PCDHA2: variants seen among roughly 807,000 people sequenced by gnomAD.
PCDHA2 encodes protocadherin alpha-2.
A neutral mutation model predicts 66.0 loss-of-function variants in PCDHA2; 58 were observed. The observed-to-expected ratio is 0.88, with a 90% CI of 0.71 to 1.09. PCDHA2 has a LOEUF of 1.09. Among genes scored for constraint, PCDHA2 ranks in the 50% least tolerant of loss-of-function variants. PCDHA2 has a pLI of 0.00. For missense variants in PCDHA2, 1,267 were observed against 1,242.3 expected, an observed-to-expected ratio of 1.02 and a Z score of -0.30; for synonymous variants, 634 against 554.0, an observed-to-expected ratio of 1.14 and a Z score of -2.03.
rs782616860 is a variant in PCDHA2 at position 140,807,923 on chromosome 5, A to G, written c.2388+10571A>G. On this transcript the variant is annotated intron_variant, in intron 1 of 3. Transcript: ENST00000526136. ...CAATGCCCCAGCTTTTGACAGAACC[A>G]TTTATAAGGTGAGATTACTAGAAAA... is the stretch of plus-strand genomic sequence containing the variant. The G allele has an allele frequency of 5.6e-6, 9 of 1,614,144 alleles. No individual in the cohort carries two copies. Among genetic ancestry groups the G allele is most frequent in the African/African-American group, 1.3e-5 (1 of 75,050 alleles).
intron 1 of PCDHA2, among the ~76,000 whole-genome samples, chr5:140,892,451 C>A (rs782296222): frequency 1.2e-4 from 19 of 152,128 alleles, no homozygotes; most frequent in Non-Finnish European, 2.5e-4. Flanking sequence ...TACATGTATT[C>A]TTTAAGTACG....
intron 1 of PCDHA2, chr5:140,816,468 A>G (rs1321714228): frequency 6.6e-6 from 1 of 151,952 alleles, no homozygotes; most frequent in African/African-American, 2.4e-5. Context: ...AGTAATTCAC[A>G]TAGCTCTATT....
chr5:140,921,051 C>T (rs2079992855), intron 1 of PCDHA2, among the ~76,000 whole-genome samples: 1 of 151,910 alleles, frequency 6.6e-6, no homozygotes, highest in Non-Finnish European at 1.5e-5. Context: ...GCAATCATAG[C>T]TCACTCTAAC....
chr5:140,881,232 C>A, intron 1 of PCDHA2: 2 of 318,074 alleles, frequency 6.3e-6, no homozygotes, highest in Non-Finnish European at 9.1e-6. Context: ...AAATTAAAGT[C>A]AATTTAAATG....
intron 1 of PCDHA2, chr5:140,821,648 A>G (rs1581773155): frequency 9.2e-7 from 1 of 1,086,806 alleles, no homozygotes; most frequent in Non-Finnish European, 1.3e-6. Context: ...AGAACCTTCC[A>G]TTTTTGGCTG....
chr5:140,796,867 C>T lies in PCDHA2; in HGVS notation c.1903C>T (p.Arg635Cys), dbSNP rs367904525. 1.9e-6 allele frequency: 3 copies of T among 1,614,094 alleles called. No individual in the cohort carries two copies. The highest frequency in any genetic ancestry group is 2.5e-6 in the Non-Finnish European group (3 of 1,180,004). Residue 635 changes from arginine (R) to cysteine (C), a missense_variant, in exon 1 of 4, where the codon CGT becomes TGT. Arg to Cys is a radical substitution (Grantham distance 180). Coordinates refer to ENST00000526136, the MANE Select transcript of PCDHA2 (RefSeq NM_018905.3). ...GLYTGEISTT[R>C]ALDEADSPRH... is the part of the protein sequence containing the mutation. ...ATACACGGGTGAGATCAGCACGACA[C>T]GTGCCCTAGACGAGGCTGACTCCCC...
Position 140,858,435 on chromosome 5 carries a change from A to T in PCDHA2, c.2388+61083A>T, listed in dbSNP as rs2045411060. The T allele has an allele frequency of 2.5e-5, 38 of 1,543,330 alleles. 4 individuals are homozygous for T. Among genetic ancestry groups the T allele is most frequent in the Non-Finnish European group, 3.1e-5 (35 of 1,135,660 alleles). ...TCTATTGGAGGGGACCACTCTAGGA[A>T]GGTGGGTTATTACGTTTTCATTTTC... On this transcript the variant is annotated intron_variant, in intron 1 of 3. Transcript: ENST00000526136.
intron 1 of PCDHA2, chr5:140,822,563 T>A: frequency 1.9e-6 from 3 of 1,613,440 alleles, no homozygotes; most frequent in Non-Finnish European, 2.5e-6. Context: ...GTTATTAAAC[T>A]GAACGCCTCA....
chr5:140,897,722 T>A (rs1236534951), intron 1 of PCDHA2, among the ~76,000 whole-genome samples: 1 of 152,162 alleles, frequency 6.6e-6, no homozygotes, highest in African/African-American at 2.4e-5. Flanking sequence ...GATGGCTGGG[T>A]CAAATAGTAT....
chr5:140,982,963 A>G (rs2097017646), intron 3 of PCDHA2, among the ~76,000 whole-genome samples: 1 of 151,972 alleles, frequency 6.6e-6, no homozygotes, highest in South Asian at 2.1e-4. Context: ...AAACCCACCC[A>G]AAGTAGTAAG....
chr5:140,869,504 C>G (rs959374162), intron 1 of PCDHA2: 1 of 1,614,200 alleles, frequency 6.2e-7, no homozygotes, highest in Admixed American at 1.7e-5. Context: ...CCGGTGTTCT[C>G]GCTCAGAGAA....
At chr5:140,943,267 AAAAAAAAAAAG>A in intron 1 of PCDHA2, among the ~76,000 whole-genome samples, 2 of 150,426 alleles carry the variant, frequency 1.3e-5, no homozygotes, top group South Asian at 2.1e-4. Context: ...CAAAAAAAAA[AAAAAAAAAAAG>A]AAAGAAAGAA....
In PCDHA2 at chr5:141,011,088, T is replaced by TTCTC. The variant is rs375099849; in HGVS notation, c.*1165_*1168dup. 6.6e-6 allele frequency: 1 copy of TTCTC among 152,032 alleles called. No homozygotes were observed. Among genetic ancestry groups the TTCTC allele is most frequent in the Non-Finnish European group, 1.5e-5 (1 of 67,462 alleles). 9.4% of individuals were successfully genotyped at this position (152,032 alleles called of 1,614,324 possible). A position where few individuals can be genotyped will look rare whatever the true frequency, so the allele number is the denominator to read the frequency against. On this transcript the variant is annotated 3_prime_UTR_variant, in exon 4 of 4. Transcript: ENST00000526136. The stretch of plus-strand genomic sequence containing the variant: ...TATTACTAAATAAAATGATCTCTCT[T>TTCTC]TCTCTCTCTCTCTCTCTTTTCTAAG...
chr5:140,808,023 A>G (rs1034066064), intron 1 of PCDHA2: 18 of 1,613,826 alleles, frequency 1.1e-5, no homozygotes, highest in Non-Finnish European at 1.4e-5. Flanking sequence ...GACATTGTTT[A>G]TTCATTCTCA....
chr5:140,951,144 T>C (rs1052192456), intron 1 of PCDHA2, among the ~76,000 whole-genome samples: 3 of 100,560 alleles, frequency 3.0e-5, no homozygotes, highest in Non-Finnish European at 6.0e-5. Context: ...CTTTATCTTA[T>C]TGAATATAGT....
In PCDHA2 at chr5:140,802,408, A is replaced by G. The variant is rs782292816; in HGVS notation, c.2388+5056A>G. The G allele has an allele frequency of 3.7e-6, 6 of 1,614,092 alleles. No individual in the cohort carries two copies. In the African/African-American group the frequency reaches 6.7e-5, roughly 18 times the overall value. ...AAGCTGGTGTCCACCTTCAAGAATT[A>G]CTACTCATTGGTGCTGGACAGCCCT... On this transcript the variant is annotated intron_variant, in intron 1 of 3. Transcript: ENST00000526136.
Position 140,857,453 on chromosome 5 carries a change from C to A in PCDHA2, c.2388+60101C>A, listed in dbSNP as rs545328956. On this transcript the variant is annotated intron_variant, in intron 1 of 3. Coordinates refer to ENST00000526136, the MANE Select transcript of PCDHA2 (RefSeq NM_018905.3). ...GGTGTTCGTGAAGGAGAACAACCCG[C>A]CAGGCTGCCACATCTTCACGGTGTC... 1 of 1,598,604 alleles carries A rather than the reference C, an allele frequency of 6.3e-7. No individual in the cohort carries two copies. The highest frequency in any genetic ancestry group is 1.1e-5 in the South Asian group (1 of 90,558).
chr5:140,836,198 G>C lies in PCDHA2; in HGVS notation c.2388+38846G>C. The C allele has an allele frequency of 3.1e-6, 5 of 1,613,862 alleles. 1 individual carries two copies. The South Asian group carries it at 5.5e-5, about 18-fold the overall frequency. ...TTGACGCTGACTCAGGCTACAACGC[G>C]TGGCTTTCGTATGAGTTGCAACCGG... is the stretch of plus-strand genomic sequence containing the variant. On this transcript the variant is annotated intron_variant, in intron 1 of 3. Transcript: ENST00000526136.
chr5:140,918,549 T>C (rs1313720970), intron 1 of PCDHA2, among the ~76,000 whole-genome samples: 3 of 152,222 alleles, frequency 2.0e-5, no homozygotes, highest in Non-Finnish European at 2.9e-5. Flanking sequence ...CCATGTGCAA[T>C]TGAGAAGAAT....
Sources: gnomAD v4.1 joint callset for allele counts (sites outside exome capture counted in the v4.1 genomes callset) on GRCh38, gnomAD v4.1.1 for gene constraint, MANE v1.5 for transcripts, NCBI Gene and HGNC (gene_info 2026-07-23, HGNC 2026-07-21) for gene names.